EPN1: variants seen among roughly 807,000 people sequenced by gnomAD.
EPN1 encodes epsin-1.
Under a neutral mutation model 56.9 loss-of-function variants are expected in EPN1, and 25 were observed. That is an observed-to-expected ratio of 0.44 (90% CI 0.32 to 0.61). The LOEUF is 0.61. Ranked by LOEUF, EPN1 falls within the 20% of genes least tolerant of loss-of-function variation. EPN1 has a pLI of 0.05. For synonymous variants in EPN1, 411 were observed against 361.8 expected (o/e 1.14, Z -1.54); for missense variants, 785 against 823.7 (o/e 0.95, Z 0.58).
rs984757517 is a variant in EPN1 at position 55,704,964 on chromosome 19, A to G, written c.*9608A>G. 1.3e-5 allele frequency: 2 copies of G among 152,204 alleles called. No homozygotes were observed. The highest frequency in any genetic ancestry group is 2.4e-5 in the African/African-American group (1 of 41,438). 9.4% of individuals were successfully genotyped at this position (152,204 alleles called of 1,614,324 possible). On this transcript the variant is annotated 3_prime_UTR_variant, in exon 11 of 11. Coordinates refer to ENST00000270460, the MANE Select transcript of EPN1 (RefSeq NM_001130072.2). ...TGCTGTTCTCATCCACTTCCCAAGC[A>G]TCTCTGGCTGAATGCTGTTCTACAC...
chr19:55,685,118 TC>T (rs1986076900), intron 2 of EPN1, among the ~76,000 whole-genome samples: 1 of 152,274 alleles, frequency 6.6e-6, no homozygotes. Flanking sequence ...TCTGGATGAT[TC>T]ACGTCGATGG....
At chr19:55,677,479 A>T in intron 1 of EPN1, 2 of 837,612 alleles carry the variant, frequency 2.4e-6, no homozygotes, top group Non-Finnish European at 1.9e-6. Context: ...TTTGGAGTTC[A>T]GGTGGGCCTC....
chr19:55,692,481 C>T (rs1027293730), intron 7 of EPN1, among the ~76,000 whole-genome samples: 12 of 151,674 alleles, frequency 7.9e-5, no homozygotes, highest in South Asian at 2.1e-4. Context: ...GGAAGCCCCT[C>T]ACCCCAGCTG....
intron 2 of EPN1, among the ~76,000 whole-genome samples, chr19:55,682,633 A>G (rs552935849): frequency 1.4e-4 from 22 of 151,840 alleles, no homozygotes; most frequent in South Asian, 6.2e-4. Context: ...GGGTTTTGCC[A>G]TGTCACCCAC....
intron 3 of EPN1, 126 bp downstream of exon 3, chr19:55,685,771 T>G: frequency 8.0e-7 from 1 of 1,254,474 alleles, no homozygotes; most frequent in African/African-American, 1.5e-5. Flanking sequence ...CCTTTGCTTC[T>G]CCTCACCTGG....
Position 55,694,705 on chromosome 19 carries a change from C to T in EPN1, c.1265-21C>T, listed in dbSNP as rs1159009517. 6.5e-7 allele frequency: 1 copy of T among 1,539,854 alleles called. No individual in the cohort carries two copies. Among genetic ancestry groups the T allele is most frequent in the Admixed American group, 2.0e-5 (1 of 50,552 alleles). On this transcript the variant is annotated intron_variant, in intron 9 of 10. Transcript: ENST00000270460. This position sits in a 1 kb window ranked among gnomAD's most constrained non-coding sequence, Gnocchi z 4.2. ...TCACTGCTGTCTGCCCTGTCTGAGCCCCTCTCCCGGATCCTTCCAGGAGAG... is the reference window on the plus strand; with the variant it reads ...TCACTGCTGTCTGCCCTGTCTGAGCTCCTCTCCCGGATCCTTCCAGGAGAG...
Position 55,695,099 on chromosome 19 carries a change from G to A in EPN1, c.1523-49G>A, listed in dbSNP as rs1164927651. 1.9e-6 allele frequency: 3 copies of A among 1,611,566 alleles called. No individual in the cohort carries two copies. The Admixed American group carries it at 5.0e-5, about 27-fold the overall frequency. On this transcript the variant is annotated intron_variant, in intron 10 of 10. Transcript: ENST00000270460. This position sits in a 1 kb window ranked among gnomAD's most constrained non-coding sequence, Gnocchi z 4.4. The stretch of plus-strand genomic sequence containing the variant: ...TGCACATGCTGGATGGACACAGGTG[G>A]GCTGCGCCACTGACTCCACTCCGTG...
Position 55,675,242 on chromosome 19 carries a change from C to T in EPN1, c.-295C>T, listed in dbSNP as rs1411447536. The T allele has an allele frequency of 6.6e-6, 1 of 152,072 alleles. No homozygotes were observed. Among genetic ancestry groups the T allele is most frequent in the Non-Finnish European group, 1.5e-5 (1 of 67,962 alleles). 9.4% of individuals were successfully genotyped at this position (152,072 alleles called of 1,614,324 possible). A position where few individuals can be genotyped will look rare whatever the true frequency, so the allele number is the denominator to read the frequency against. ...CGCCTCCTTCTGTTGCTTCCCGTCT[C>T]CTCGGCGGCTCCCCTCCCCCGCCCG... On this transcript the variant is annotated 5_prime_UTR_variant, in exon 1 of 11. Coordinates refer to ENST00000270460, the MANE Select transcript of EPN1 (RefSeq NM_001130072.2).
chr19:55,689,256 T>G lies in EPN1; in HGVS notation c.604-41T>G, dbSNP rs1403280203. 2.8e-6 allele frequency: 4 copies of G among 1,424,572 alleles called. No homozygotes were observed. In the East Asian group the frequency reaches 9.9e-5, roughly 35 times the overall value. The allele number at this position is 1,424,572 out of a possible 1,614,324, so 88.2% of individuals were successfully genotyped here. On this transcript the variant is annotated intron_variant, in intron 4 of 10. Coordinates refer to ENST00000270460, the MANE Select transcript of EPN1 (RefSeq NM_001130072.2). This position sits in a 1 kb window ranked among gnomAD's most constrained non-coding sequence, Gnocchi z 5.7. ...CTGGCTCTGCCTCTGACTCTGCCTC[T>G]GGCCCCTCCCGTCATGCCCCTCACA...
chr19:55,695,684 G>T lies in EPN1; in HGVS notation c.*328G>T. ...GTTTGAGCCTCCTCGTTCCCCTCAC[G>T]CACCCGCTCACGCACCCTCGGTGAA... On this transcript the variant is annotated 3_prime_UTR_variant, in exon 11 of 11. Transcript: ENST00000270460. The surrounding 1 kb of genome is among the most constrained non-coding windows in gnomAD (Gnocchi z 4.4). 2.9e-6 allele frequency: 1 copy of T among 345,218 alleles called. No individual in the cohort carries two copies. Among genetic ancestry groups the T allele is most frequent in the Non-Finnish European group, 5.3e-6 (1 of 188,602 alleles). 21.4% of individuals were successfully genotyped at this position (345,218 alleles called of 1,614,324 possible).
intron 3 of EPN1, among the ~76,000 whole-genome samples, chr19:55,686,897 C>T (rs942021371): frequency 6.6e-6 from 1 of 151,252 alleles, no homozygotes; most frequent in African/African-American, 2.4e-5. Flanking sequence ...AGGTAAGAGG[C>T]CTGAGGGTGG....
Position 55,693,200 on chromosome 19 carries a change from T to G in EPN1, c.1264+163T>G, listed in dbSNP as rs574610752. 6 of 559,624 alleles carry G rather than the reference T, an allele frequency of 1.1e-5. No homozygotes were observed. In the South Asian group the frequency reaches 1.3e-4, roughly 12 times the overall value. The allele number at this position is 559,624 out of a possible 1,614,324, so 34.7% of individuals were successfully genotyped here. A position where few individuals can be genotyped will look rare whatever the true frequency, so the allele number is the denominator to read the frequency against. On this transcript the variant is annotated intron_variant, in intron 9 of 10. Transcript: ENST00000270460. The stretch of plus-strand genomic sequence containing the variant: ...TGGGCCAGAACCATCCACCTGTCTT[T>G]AAAAGAAGTGTGCATCTTTATTTTA...
rs1568587473 is a variant in EPN1 at position 55,705,829 on chromosome 19, T to TATATATATATATATATATATATATATATA, written c.*10473_*10474insATATATATATATATATATATATATATATA. 16 of 72,968 alleles carry TATATATATATATATATATATATATATATA rather than the reference T, an allele frequency of 2.2e-4. No homozygotes were observed. Among genetic ancestry groups the TATATATATATATATATATATATATATATA allele is most frequent in the African/African-American group, 5.3e-4 (6 of 11,348 alleles). 4.5% of individuals were successfully genotyped at this position (72,968 alleles called of 1,614,324 possible). ...GTGGGATATATATATATATATATAT[T>TATATATATATATATATATATATATATATA]TAGAGTGTTGTGGGATATATATATA... On this transcript the variant is annotated 3_prime_UTR_variant, in exon 11 of 11. Transcript: ENST00000270460.
At chr19:55,678,486 A>T in intron 1 of EPN1, 41 bp from the exon 2 acceptor site, 1 of 1,509,666 alleles carries the variant, frequency 6.6e-7, no homozygotes, top group Non-Finnish European at 8.8e-7. Flanking sequence ...TGGGCAGGCC[A>T]TGTCCCATTT....
rs1987272885 is a variant in EPN1, at chr19:55,704,021, G to C, written c.*8665G>C. ...TATCAACCGAGGTATTCAGTCCCTCGGAAACCCAGTTCCTCCGTTTCCAGG... is the reference window on the plus strand; with the variant it reads ...TATCAACCGAGGTATTCAGTCCCTCCGAAACCCAGTTCCTCCGTTTCCAGG... On this transcript the variant is annotated 3_prime_UTR_variant, in exon 11 of 11. Coordinates refer to ENST00000270460, the MANE Select transcript of EPN1 (RefSeq NM_001130072.2). The C allele has an allele frequency of 1.3e-5, 2 of 152,148 alleles. No individual in the cohort carries two copies. Among genetic ancestry groups the C allele is most frequent in the Admixed American group, 6.5e-5 (1 of 15,276 alleles). The allele number at this position is 152,148 out of a possible 1,614,324, so 9.4% of individuals were successfully genotyped here.
At position 55,698,219 on chromosome 19, in the gene EPN1, C is replaced by T. The variant is rs1986986183; in HGVS notation, c.*2863C>T. ...ATGGGCCTAGGAGGAGGTTCAGATC[C>T]CTCAGGTTTGGCTAAGCAAGAGTCA... On this transcript the variant is annotated 3_prime_UTR_variant, in exon 11 of 11. Coordinates refer to ENST00000270460, the MANE Select transcript of EPN1 (RefSeq NM_001130072.2). The T allele has an allele frequency of 6.6e-6, 1 of 152,016 alleles. No homozygotes were observed. The highest frequency in any genetic ancestry group is 1.5e-5 in the Non-Finnish European group (1 of 68,068). The allele number at this position is 152,016 out of a possible 1,614,324, so 9.4% of individuals were successfully genotyped here. A position where few individuals can be genotyped will look rare whatever the true frequency, so the allele number is the denominator to read the frequency against.
intron 3 of EPN1, among the ~76,000 whole-genome samples, chr19:55,688,332 C>T (rs1986301800): frequency 6.6e-6 from 1 of 152,084 alleles, no homozygotes; most frequent in African/African-American, 2.4e-5. Context: ...CTCTCTCTCC[C>T]TTCCCCTCCT....
intron 3 of EPN1, among the ~76,000 whole-genome samples, chr19:55,686,701 A>T (rs1986191352): frequency 1.3e-5 from 2 of 151,912 alleles, no homozygotes; most frequent in Admixed American, 1.3e-4. Flanking sequence ...ACGCAGAGAG[A>T]GAGTGAAGTG....
Position 55,699,889 on chromosome 19 carries a change from T to A in EPN1, c.*4533T>A, listed in dbSNP as rs141498062. The A allele has an allele frequency of 1.4e-4, 22 of 152,368 alleles. No individual in the cohort carries two copies. Among genetic ancestry groups the A allele is most frequent in the Admixed American group, 1.4e-3 (22 of 15,308 alleles). The allele number at this position is 152,368 out of a possible 1,614,324, so 9.4% of individuals were successfully genotyped here. A position where few individuals can be genotyped will look rare whatever the true frequency, so the allele number is the denominator to read the frequency against. Reference sequence around the variant, plus strand: ...ATATAATGTTATGTTTCATCCACATTATTTTAGTATGGATATTTATAATTT... The same window carrying A: ...ATATAATGTTATGTTTCATCCACATAATTTTAGTATGGATATTTATAATTT... On this transcript the variant is annotated 3_prime_UTR_variant, in exon 11 of 11. Coordinates refer to ENST00000270460, the MANE Select transcript of EPN1 (RefSeq NM_001130072.2).
Sources: allele counts gnomAD v4.1 joint callset (sites outside exome capture counted in the v4.1 genomes callset), GRCh38; gene constraint gnomAD v4.1.1; non-coding constraint Gnocchi (gnomAD v3.1); transcripts MANE v1.5; gene names NCBI Gene and HGNC (gene_info 2026-07-23, HGNC 2026-07-21).